The following ACSL5 variants were observed in gnomAD, a reference collection of about 807,000 sequenced individuals.
ACSL5 encodes the protein acyl-CoA synthetase long chain family member 5.
A neutral mutation model predicts 84.9 loss-of-function variants in ACSL5; 50 were observed. The ratio of observed to expected loss-of-function variants is 0.59; its 90% CI spans 0.47 to 0.75. The LOEUF is 0.75. Ranked by LOEUF, ACSL5 falls within the 30% of genes least tolerant of loss-of-function variation. The pLI is 0.00. For synonymous variants in ACSL5, 280 were observed against 300.7 expected (o/e 0.93, Z 0.71); for missense variants, 775 against 830.4 (o/e 0.93, Z 0.82).
intron 1 of ACSL5, chr10:112,376,298 C>T (rs370546224): frequency 2.5e-6 from 4 of 1,614,096 alleles, no homozygotes; most frequent in Middle Eastern, 1.7e-4. Context: ...TCTGGGCCGG[C>T]CTTCTGCCTG....
In ACSL5 at chr10:112,407,158, G is replaced by C. The variant is rs139340903; in HGVS notation, c.433-1264G>C. Among the ~76,000 whole-genome samples the C allele has an allele frequency of 3.2e-3, 482 of 152,124 alleles. 3 individuals carry two copies. Among genetic ancestry groups the C allele is most frequent in the African/African-American group, 0.011 (446 of 41,492 alleles). On this transcript the variant is annotated intron_variant, in intron 5 of 20. Transcript: ENST00000354655. ...CCCATGATTGAATTACCTCCCCCTG[G>C]GTCCCTCCCACAACACATGGGAATT...
rs776388738 is a variant in ACSL5 at position 112,399,022 on chromosome 10, G to C, written c.265+13G>C. The C allele has an allele frequency of 2.5e-6, 4 of 1,605,756 alleles. No individual in the cohort carries two copies. The highest frequency in any genetic ancestry group is 3.4e-6 in the Non-Finnish European group (4 of 1,172,598). On this transcript the variant is annotated intron_variant, in intron 3 of 20. Transcript: ENST00000354655. ...CTCGCTGTGTCTGGTAAGCCTGGTG[G>C]TCTGTCCTTGCCTGAAGAAGACAAG...
At position 112,426,364 on chromosome 10, in the gene ACSL5, G is replaced by A. The variant is rs1287517423; in HGVS notation, c.1839+5G>A. 4 of 1,613,222 alleles carry A rather than the reference G, an allele frequency of 2.5e-6. No individual in the cohort carries two copies. On this transcript the variant is annotated splice_donor_5th_base_variant and intron_variant, in intron 19 of 20. Coordinates refer to ENST00000354655, the MANE Select transcript of ACSL5 (RefSeq NM_203379.2). ...GAGGAACTGTGCCAAAACCAAGTAA[G>A]TCTTGCCTAGGAAAGCTTTATGCAC...
chr10:112,387,823 A>G (rs1039089652), intron 1 of ACSL5, among the ~76,000 whole-genome samples: 1 of 152,324 alleles, frequency 6.6e-6, no homozygotes, highest in South Asian at 2.1e-4. Context: ...ATACAAATTA[A>G]TGAAGGCAGA....
At position 112,425,457 on chromosome 10, in the gene ACSL5, T is replaced by G. The variant is rs1844632623; in HGVS notation, c.1713T>G (p.Ile571Met). Reference protein sequence around the residue: ...IYNRSQPVLQIFVHGESLRSS... With the variant: ...IYNRSQPVLQMFVHGESLRSS... ...ACAGGAGTCAACCAGTGTTACAAAT[T>G]TTTGTACACGGGGAGAGCTTACGGG... The change falls in exon 18 of 21, where the codon ATT (isoleucine) becomes ATG (methionine). Residue 571 changes from isoleucine to methionine, a missense_variant. Physicochemically the swap from Ile to Met is conservative, Grantham distance 10. Transcript: ENST00000354655. The G allele has an allele frequency of 2.5e-6, 4 of 1,612,864 alleles. No homozygotes were observed. The highest frequency in any genetic ancestry group is 2.2e-5 in the South Asian group (2 of 90,856).
intron 14 of ACSL5, among the ~76,000 whole-genome samples, chr10:112,420,194 G>A (rs745873062): frequency 4.6e-5 from 7 of 151,982 alleles, no homozygotes; most frequent in African/African-American, 1.2e-4. Flanking sequence ...ACTCCTTCCC[G>A]AAATGTCTTC....
chr10:112,422,282 G>C, intron 16 of ACSL5, 43 bp from the exon 17 acceptor site: 1 of 1,547,872 alleles, frequency 6.5e-7, no homozygotes, highest in Non-Finnish European at 8.9e-7. Flanking sequence ...GCTGGGAGGA[G>C]CAGCCTTTGC....
intron 1 of ACSL5, 88 bp from the exon 2 acceptor site, chr10:112,394,830 G>C: frequency 6.5e-7 from 1 of 1,549,582 alleles, no homozygotes; most frequent in Non-Finnish European, 8.7e-7. Context: ...GTATGTGTGT[G>C]TGTGTGTCCT....
chr10:112,408,587 C>T, intron 6 of ACSL5, 66 bp downstream of exon 6: 2 of 1,160,616 alleles, frequency 1.7e-6, no homozygotes, highest in East Asian at 2.4e-5. Context: ...TCAATTTCTG[C>T]TTTTTTGTTT....
intron 13 of ACSL5, 59 bp from the exon 14 acceptor site, chr10:112,417,787 T>C (rs1844352618): frequency 1.4e-6 from 2 of 1,388,354 alleles, no homozygotes; most frequent in South Asian, 1.2e-5. Flanking sequence ...CACTCTACAG[T>C]GGAGGAAATT....
In ACSL5 at chr10:112,413,215, G is replaced by A; in HGVS notation, c.991G>A (p.Gly331Arg). The change falls in exon 12 of 21, where the codon GGG becomes AGG. Residue 331 changes from glycine to arginine, a missense_variant. By Grantham distance (125) the Gly-to-Arg change is moderately radical. Transcript: ENST00000354655. ...SCGARVGFFQ[G>R]DIRLLADDMK... The stretch of plus-strand genomic sequence containing the variant: ...TGGAGCCAGAGTTGGATTCTTCCAA[G>A]GGGATATTCGGTTGCTGGCTGACGA... 6.2e-7 allele frequency: 1 copy of A among 1,614,180 alleles called. No individual in the cohort carries two copies. Among genetic ancestry groups the A allele is most frequent in the Middle Eastern group, 1.6e-4 (1 of 6,062 alleles).
chr10:112,426,926 T>C, intron 20 of ACSL5, 67 bp downstream of exon 20: 1 of 1,319,660 alleles, frequency 7.6e-7, no homozygotes, highest in Non-Finnish European at 1.1e-6. Flanking sequence ...TTCCATCTAA[T>C]GAGGTTTAAA....
rs937462409 is a variant in ACSL5 at position 112,427,465 on chromosome 10, C to T, written c.*107C>T. 3.7e-6 allele frequency: 4 copies of T among 1,069,266 alleles called. No individual in the cohort carries two copies. The highest frequency in any genetic ancestry group is 2.0e-5 in the South Asian group (1 of 50,954). 66.2% of individuals were successfully genotyped at this position (1,069,266 alleles called of 1,614,324 possible). On this transcript the variant is annotated 3_prime_UTR_variant, in exon 21 of 21. Transcript: ENST00000354655. ...GCCTTTCCTCCTATTTTTTTTTAAC[C>T]TGTTAAACTCTAAAGCCATAGCTTT...
At chr10:112,426,089 A>C (rs1346934546) in intron 18 of ACSL5, among the ~76,000 whole-genome samples, 169 bp from the exon 19 acceptor site, 1 of 29,714 alleles carries the variant, frequency 3.4e-5, no homozygotes, top group Non-Finnish European at 6.5e-5. Context: ...AAATGGGATT[A>C]CAGTTCCATG....
intron 3 of ACSL5, among the ~76,000 whole-genome samples, chr10:112,401,693 G>A (rs1436212226): frequency 6.6e-6 from 1 of 152,194 alleles, no homozygotes; most frequent in Non-Finnish European, 1.5e-5. Context: ...ACCAGCCTCT[G>A]CTAGCATTTT....
Position 112,404,571 on chromosome 10 carries a change from A to G in ACSL5, c.326A>G (p.Lys109Arg). The change falls in exon 4 of 21, where the codon AAA becomes AGA. Residue 109 changes from lysine to arginine, a missense_variant. Lys to Arg is a conservative substitution (Grantham distance 26). Transcript: ENST00000354655. ...CAGCCCTACAGATGGCTATCTTACA[A>G]ACAGGTAAGTTGAGTCCATGTTTTT... ...PNQPYRWLSY[K>R]QVSDRAEYLG... 6.2e-7 allele frequency: 1 copy of G among 1,612,954 alleles called. No individual in the cohort carries two copies. Among genetic ancestry groups the G allele is most frequent in the Non-Finnish European group, 8.5e-7 (1 of 1,178,970 alleles).
chr10:112,397,771 A>G (rs1843779938), intron 2 of ACSL5, among the ~76,000 whole-genome samples: 1 of 151,992 alleles, frequency 6.6e-6, no homozygotes, highest in African/African-American at 2.4e-5. Flanking sequence ...TTATATTTGC[A>G]TTTTTTCCTT....
chr10:112,398,556 C>T (rs529729668), intron 2 of ACSL5, among the ~76,000 whole-genome samples: 5 of 152,198 alleles, frequency 3.3e-5, no homozygotes, highest in South Asian at 2.1e-4. Context: ...AGGCATCTGC[C>T]GCCATGCCTG....
At chr10:112,377,899 T>A (rs1849271338) in intron 1 of ACSL5, among the ~76,000 whole-genome samples, 1 of 152,210 alleles carries the variant, frequency 6.6e-6, no homozygotes, top group African/African-American at 2.4e-5. Context: ...AGAGCAGGCA[T>A]ACCCCAGATA....
Sources: gnomAD v4.1 joint callset for allele counts (sites outside exome capture counted in the v4.1 genomes callset) on GRCh38, gnomAD v4.1.1 for gene constraint, MANE v1.5 for transcripts, NCBI Gene and HGNC (gene_info 2026-07-23, HGNC 2026-07-21) for gene names.